CLCNKA: variants seen among roughly 807,000 people sequenced by gnomAD.
The protein encoded by CLCNKA is chloride voltage-gated channel Ka, also known as chloride channel protein ClC-Ka.
A neutral mutation model predicts 83.3 loss-of-function variants in CLCNKA; 66 were observed. The observed-to-expected ratio is 0.79, with a 90% CI of 0.65 to 0.97. CLCNKA has a LOEUF of 0.97. Ranked by LOEUF, CLCNKA falls within the 50% of genes least tolerant of loss-of-function variation. The pLI, the probability that CLCNKA is intolerant of heterozygous loss-of-function variation, is 0.00. For missense variants in CLCNKA, 806 were observed against 888.7 expected, an observed-to-expected ratio of 0.91 and a Z score of 1.18; for synonymous variants, 357 against 370.4, an observed-to-expected ratio of 0.96 and a Z score of 0.42.
At chr1:16,026,484 G>T (rs1198564079) in intron 5 of CLCNKA, 52 bp from the exon 6 acceptor site, 1 of 1,585,638 alleles carries the variant, frequency 6.3e-7, no homozygotes, top group Non-Finnish European at 8.5e-7. Context: ...GTGCTGCCTC[G>T]GGGTGAGACT....
chr1:16,025,247 G>T (rs2022302650), intron 4 of CLCNKA, among the ~76,000 whole-genome samples: 1 of 152,188 alleles, frequency 6.6e-6, no homozygotes, highest in African/African-American at 2.4e-5. Flanking sequence ...GTTCTGTTCA[G>T]AGCTCCCCCA....
At position 16,029,198 on chromosome 1, in the gene CLCNKA, C is replaced by G. The variant is rs1398946929; in HGVS notation, c.1126C>G (p.Pro376Ala). ...SWALMTQNSS[P>A]PWPEELDPQH... The stretch of plus-strand genomic sequence containing the variant: ...GGCGCTGATGACCCAGAACTCCAGC[C>G]CACCCTGGCCCGAGGAGCTCGACCC... Residue 376 changes from proline to alanine, a missense_variant, in exon 12 of 20, where the codon CCA (proline) becomes GCA (alanine). Pro to Ala is a conservative substitution (Grantham distance 27). Coordinates refer to ENST00000331433, the MANE Select transcript of CLCNKA (RefSeq NM_004070.4). The G allele has an allele frequency of 6.2e-7, 1 of 1,613,286 alleles. No individual in the cohort carries two copies.
intron 1 of CLCNKA, among the ~76,000 whole-genome samples, chr1:16,022,377 A>G (rs575975949): frequency 1.3e-5 from 2 of 152,234 alleles, no homozygotes; most frequent in Admixed American, 1.3e-4. Context: ...CTGCTGCTGG[A>G]CACAGGGGGA....
At chr1:16,029,369 C>T (rs752807924) in intron 12 of CLCNKA, 70 bp downstream of exon 12, 9 of 1,607,610 alleles carry the variant, frequency 5.6e-6, no homozygotes, top group Non-Finnish European at 8.5e-7. Context: ...GGGGGTGCCT[C>T]CCTGCACCTG....
chr1:16,031,163 C>A lies in CLCNKA; in HGVS notation c.1622+489C>A, dbSNP rs1305049123. On this transcript the variant is annotated intron_variant, in intron 15 of 19. Coordinates refer to ENST00000331433, the MANE Select transcript of CLCNKA (RefSeq NM_004070.4). ...GCGCCAGAAAAGCAGACCAAAGAGG[C>A]TCTGAGAGTCCGAATCGGAGGCCCC... 3.9e-5 allele frequency among the ~76,000 whole-genome samples: 6 copies of A among 152,220 alleles called. No homozygotes were observed. In the East Asian group the frequency reaches 1.2e-3, roughly 29 times the overall value.
At position 16,032,225 on chromosome 1, in the gene CLCNKA, C is replaced by G. The variant is rs149572981; in HGVS notation, c.1779C>G (p.Ile593Met). 3 of 1,597,496 alleles carry G rather than the reference C, an allele frequency of 1.9e-6. No individual in the cohort carries two copies. The highest frequency in any genetic ancestry group is 1.3e-5 in the African/African-American group (1 of 74,336). Residue 593 changes from isoleucine to methionine, a missense_variant, in exon 17 of 20, where the codon ATC becomes ATG. Ile to Met is a conservative substitution (Grantham distance 10). Transcript: ENST00000331433. Reference protein sequence around the residue: ...ESTESQILVGIVQRAQLVQAL... With the variant: ...ESTESQILVGMVQRAQLVQAL... ...CAGAGTCCCAGATCCTGGTAGGCAT[C>G]GTGCAGAGGGCCCAGCTGGTGCAGG... is the stretch of plus-strand genomic sequence containing the variant.
At chr1:16,024,998 A>G (rs2022293246) in intron 4 of CLCNKA, 107 bp downstream of exon 4, 1 of 1,480,066 alleles carries the variant, frequency 6.8e-7, no homozygotes, top group Non-Finnish European at 9.4e-7. Flanking sequence ...TCTCAAGCCC[A>G]GAAGAGTTAT....
At chr1:16,032,089 T>C (rs2022647122) in intron 16 of CLCNKA, 114 bp from the exon 17 acceptor site, 2 of 1,205,718 alleles carry the variant, frequency 1.7e-6, no homozygotes, top group Non-Finnish European at 2.5e-6. Flanking sequence ...AGGCAGTCCC[T>C]GGGCAGCTGC....
In CLCNKA at chr1:16,033,538, C is replaced by A. The variant is rs374942472; in HGVS notation, c.2017-73C>A. ...CAGCCTGGAAATGAACCTTAGGGGACTAAAAATGCTGGAGCCCCCCTCACA... is the reference window on the plus strand; with the variant it reads ...CAGCCTGGAAATGAACCTTAGGGGAATAAAAATGCTGGAGCCCCCCTCACA... On this transcript the variant is annotated intron_variant, in intron 19 of 19. Transcript: ENST00000331433. The A allele has an allele frequency of 2.7e-3, 3,246 of 1,210,996 alleles. 15 individuals are homozygous for A. The highest frequency in any genetic ancestry group is 7.8e-3 in the Middle Eastern group (41 of 5,286). The allele number at this position is 1,210,996 out of a possible 1,614,324, so 75.0% of individuals were successfully genotyped here.
chr1:16,022,583 C>T, intron 1 of CLCNKA, 30 bp from the exon 2 acceptor site: 5 of 1,510,630 alleles, frequency 3.3e-6, no homozygotes, highest in Non-Finnish European at 2.7e-6. Context: ...AGCAGCTCAC[C>T]CGGGTCCTTC....
chr1:16,027,586 G>A (rs2022420986), intron 8 of CLCNKA, 151 bp downstream of exon 8: 3 of 1,478,444 alleles, frequency 2.0e-6, no homozygotes, highest in Non-Finnish European at 2.7e-6. Context: ...AGGGAGGATG[G>A]AAGGGGCTGA....
intron 5 of CLCNKA, 91 bp downstream of exon 5, chr1:16,026,338 A>C: frequency 2.1e-6 from 3 of 1,453,292 alleles, no homozygotes; most frequent in Non-Finnish European, 2.8e-6. Context: ...GGGTCAGAGC[A>C]GACTCAGGCC....
At chr1:16,029,336 G>A in intron 12 of CLCNKA, 37 bp downstream of exon 12, 1 of 1,613,338 alleles carries the variant, frequency 6.2e-7, no homozygotes, top group Non-Finnish European at 8.5e-7. Flanking sequence ...ACAGAGCCAG[G>A]ACCAGCTCTG....
In CLCNKA at chr1:16,027,721, C is replaced by G. The variant is rs1238659748; in HGVS notation, c.782-100C>G. 2.7e-6 allele frequency: 4 copies of G among 1,458,974 alleles called. No homozygotes were observed. In the African/African-American group the frequency reaches 5.6e-5, roughly 20 times the overall value. The allele number at this position is 1,458,974 out of a possible 1,614,324, so 90.4% of individuals were successfully genotyped here. On this transcript the variant is annotated intron_variant, in intron 8 of 19. Transcript: ENST00000331433. ...GAATGCCAGGACACAGATTCCGAGT[C>G]AGGACCTGGCACCCCCTCCACCCTG...
In CLCNKA at chr1:16,030,540, G is replaced by C; in HGVS notation, c.1488G>C (p.Val496=). 6.2e-7 allele frequency: 1 copy of C among 1,613,094 alleles called. No individual in the cohort carries two copies. The highest frequency in any genetic ancestry group is 2.2e-5 in the East Asian group (1 of 44,882). ...LLAFELTGQI[V]HALPVLMAVL... ...CCTTTGAGCTGACCGGCCAGATAGT[G>C]CATGCACTGCCCGTGCTGATGGCGG... The change falls in exon 15 of 20, where the codon GTG becomes GTC. Residue 496 remains valine, a synonymous_variant. Transcript: ENST00000331433.
chr1:16,030,384 C>A, intron 14 of CLCNKA, 77 bp from the exon 15 acceptor site: 1 of 1,558,854 alleles, frequency 6.4e-7, no homozygotes, highest in South Asian at 1.1e-5. Context: ...CGGCAGCAGC[C>A]AGGCTAGTTA....
At position 16,030,072 on chromosome 1, in the gene CLCNKA, G is replaced by A. The variant is rs751077401; in HGVS notation, c.1405G>A (p.Ala469Thr). The A allele has an allele frequency of 1.2e-6, 2 of 1,600,734 alleles. No individual in the cohort carries two copies. Among genetic ancestry groups the A allele is most frequent in the African/African-American group, 2.7e-5 (2 of 74,706 alleles). Residue 469 changes from alanine to threonine, a missense_variant, in exon 14 of 20, where the codon GCA becomes ACA. Transcript: ENST00000331433. The part of the protein sequence containing the change: ...NPIMPGGYAL[A>T]GAAAFSGAVT... ...CATCATGCCCGGGGGGTATGCTCTG[G>A]CAGGTGAGTGGGTCACGGCCCTGCT...
At chr1:16,023,562 C>T (rs1037141380) in intron 2 of CLCNKA, among the ~76,000 whole-genome samples, 35 of 152,226 alleles carry the variant, frequency 2.3e-4, no homozygotes, top group African/African-American at 8.4e-4. Flanking sequence ...CAGGCTCACT[C>T]AGTGGTGGCC....
chr1:16,027,508 T>G, intron 8 of CLCNKA, 73 bp downstream of exon 8: 1 of 1,588,742 alleles, frequency 6.3e-7, no homozygotes, highest in African/African-American at 1.4e-5. Context: ...TTCTCCTCTG[T>G]GTACATCTCT....
Sources: allele counts gnomAD v4.1 joint callset (sites outside exome capture counted in the v4.1 genomes callset), GRCh38; gene constraint gnomAD v4.1.1; transcripts MANE v1.5; gene names NCBI Gene and HGNC (gene_info 2026-07-23, HGNC 2026-07-21).